Variants in CNTNAP4 observed in about 807,000 individuals in gnomAD.
The protein encoded by CNTNAP4 is contactin-associated protein-like 4.
CNTNAP4 carries 98 observed loss-of-function variants against 148.4 expected under a neutral mutation model. The ratio of observed to expected loss-of-function variants is 0.66; its 90% CI spans 0.56 to 0.78. The LOEUF is 0.78. Ranked by LOEUF, CNTNAP4 falls within the 30% of genes least tolerant of loss-of-function variation. The pLI is 0.00. For missense variants in CNTNAP4, 1,935 were observed against 1,565.6 expected (o/e 1.24, Z -3.98); for synonymous variants, 730 against 565.1 (o/e 1.29, Z -4.14).
At chr16:76,403,320 C>T (rs974834579) in intron 3 of CNTNAP4, among the ~76,000 whole-genome samples, 11 of 152,040 alleles carry the variant, frequency 7.2e-5, no homozygotes, top group Non-Finnish European at 1.5e-4. Context: ...GTCTCGATCT[C>T]CTGACCTCGT....
At chr16:76,300,758 C>A (rs1311456036) in intron 1 of CNTNAP4, among the ~76,000 whole-genome samples, 1 of 152,056 alleles carries the variant, frequency 6.6e-6, no homozygotes, top group Non-Finnish European at 1.5e-5. Context: ...TAGAGGGCTC[C>A]AGTCAAAACA....
chr16:76,534,168 C>T (rs535160787), intron 17 of CNTNAP4, among the ~76,000 whole-genome samples: 7 of 152,274 alleles, frequency 4.6e-5, no homozygotes, highest in Admixed American at 1.3e-4. Context: ...GCACTATGCC[C>T]ATTTCTCCCA....
intron 10 of CNTNAP4, among the ~76,000 whole-genome samples, chr16:76,474,854 T>C (rs553339168): frequency 6.6e-6 from 1 of 152,112 alleles, no homozygotes; most frequent in Non-Finnish European, 1.5e-5. Flanking sequence ...TCCAAAAAAC[T>C]TAACAATGCC....
intron 3 of CNTNAP4, among the ~76,000 whole-genome samples, chr16:76,413,402 T>C (rs767685574): frequency 6.6e-6 from 1 of 151,374 alleles, no homozygotes; most frequent in Non-Finnish European, 1.5e-5. Context: ...AGAATTATTT[T>C]TCTCCCCACT....
At chr16:76,344,474 A>T (rs1964743683) in intron 2 of CNTNAP4, among the ~76,000 whole-genome samples, 1 of 152,216 alleles carries the variant, frequency 6.6e-6, no homozygotes. Context: ...AAGCACCCAA[A>T]CAAAATACTC....
chr16:76,542,929 T>C (rs2144312848), intron 21 of CNTNAP4, among the ~76,000 whole-genome samples: 1 of 152,316 alleles, frequency 6.6e-6, no homozygotes, highest in African/African-American at 2.4e-5. Flanking sequence ...TTCAACATAT[T>C]ATAAAACAAT....
intron 14 of CNTNAP4, among the ~76,000 whole-genome samples, chr16:76,497,428 A>T (rs2082436236): frequency 6.6e-6 from 1 of 152,212 alleles, no homozygotes. Flanking sequence ...AATAAAGAAA[A>T]TAAAATGAAA....
At chr16:76,509,038 A>G (rs1342411482) in intron 15 of CNTNAP4, among the ~76,000 whole-genome samples, 1 of 97,814 alleles carries the variant, frequency 1.0e-5, no homozygotes, top group African/African-American at 2.6e-5. Context: ...GGCGTGAGCC[A>G]CCGTGCCTGG....
At chr16:76,497,954 T>C (rs12448831) in intron 14 of CNTNAP4, among the ~76,000 whole-genome samples, 14 of 152,216 alleles carry the variant, frequency 9.2e-5, no homozygotes, top group Admixed American at 9.2e-4. Flanking sequence ...ATCATTACAC[T>C]AAATGTTAAT....
chr16:76,378,144 G>A (rs986204637), intron 3 of CNTNAP4, among the ~76,000 whole-genome samples: 5 of 152,092 alleles, frequency 3.3e-5, no homozygotes, highest in African/African-American at 7.2e-5. Flanking sequence ...GGGAGGATGG[G>A]AGAGGGTGAG....
chr16:76,537,826 T>C (rs958906908), intron 18 of CNTNAP4, among the ~76,000 whole-genome samples: 1 of 152,064 alleles, frequency 6.6e-6, no homozygotes, highest in Admixed American at 6.6e-5. Flanking sequence ...AAGTAGATGA[T>C]CAAGGAGATA....
chr16:76,551,169 G>T (rs2144385795), intron 21 of CNTNAP4, among the ~76,000 whole-genome samples: 1 of 152,074 alleles, frequency 6.6e-6, no homozygotes, highest in East Asian at 1.9e-4. Flanking sequence ...CAGCAACGTT[G>T]GGAGGCCAAA....
At chr16:76,363,185 G>C (rs931519213) in intron 3 of CNTNAP4, among the ~76,000 whole-genome samples, 3 of 149,052 alleles carry the variant, frequency 2.0e-5, no homozygotes, top group Admixed American at 2.0e-4. Flanking sequence ...TTGGGAGTTG[G>C]AGTCTCACTC....
intron 1 of CNTNAP4, among the ~76,000 whole-genome samples, chr16:76,313,896 TAGAG>T (rs1447430811): frequency 1.3e-5 from 2 of 152,034 alleles, no homozygotes; most frequent in South Asian, 2.1e-4. Flanking sequence ...AAAAACTAAA[TAGAG>T]AAATATTTTT....
chr16:76,315,090 C>CT (rs34324839), intron 1 of CNTNAP4, among the ~76,000 whole-genome samples: 14,038 of 151,948 alleles, frequency 0.092, 2,118 homozygotes, highest in African/African-American at 0.32. Flanking sequence ...GTTGTTGTTT[C>CT]TTTTACTGGC....
rs79360766 is a variant in CNTNAP4, at chr16:76,362,538, T to G, written c.390+7027T>G. ...CAAAATATATTACAAAGCTACAATA[T>G]GGTGCTGGCATAAAGACAGACATAT... On this transcript the variant is annotated intron_variant, in intron 3 of 23. Coordinates refer to ENST00000611870, the MANE Select transcript of CNTNAP4 (RefSeq NM_033401.5). Among the ~76,000 whole-genome samples the G allele has an allele frequency of 9.2e-3, 1,395 of 152,268 alleles. 31 individuals carry two copies. Among genetic ancestry groups the G allele is most frequent in the African/African-American group, 0.032 (1,326 of 41,556 alleles).
chr16:76,381,788 C>T (rs1305197696), intron 3 of CNTNAP4, among the ~76,000 whole-genome samples: 2 of 152,128 alleles, frequency 1.3e-5, no homozygotes, highest in Non-Finnish European at 1.5e-5. Context: ...CTGCCGGGTG[C>T]GGTGGCTCAC....
intron 17 of CNTNAP4, among the ~76,000 whole-genome samples, chr16:76,523,310 C>G (rs1241131598): frequency 6.9e-6 from 1 of 144,480 alleles, no homozygotes; most frequent in Non-Finnish European, 1.5e-5. Flanking sequence ...AAACAGATAC[C>G]CAGTGTGTAT....
In CNTNAP4 at chr16:76,467,494, TC is replaced by T. The variant is rs1378790301; in HGVS notation, c.1627del (p.Gln543ArgfsTer2). On this transcript the variant is annotated frameshift_variant, in exon 10 of 24. Coordinates refer to ENST00000611870, the MANE Select transcript of CNTNAP4 (RefSeq NM_033401.5). LOFTEE classifies it high-confidence loss of function. ...GGTCCCTTGGGAACTTCAGTGACCT[TC>T]AGATAGACTCATGTGGCATCTCAGA... is the stretch of plus-strand genomic sequence containing the variant. ...QGSLGNFSDLQIDSCGISDRC... is the reference protein window; with the variant it reads ...QGSLGNFSDLXIDSCGISDRC... The T allele has an allele frequency of 2.5e-6, 4 of 1,613,376 alleles. 1 individual carries two copies. In the South Asian group the frequency reaches 4.4e-5, roughly 18 times the overall value.
Sources: allele counts gnomAD v4.1 joint callset (sites outside exome capture counted in the v4.1 genomes callset), GRCh38; gene constraint gnomAD v4.1.1; transcripts MANE v1.5; gene names NCBI Gene and HGNC (gene_info 2026-07-23, HGNC 2026-07-21).